GALNT14: variants seen among roughly 807,000 people sequenced by gnomAD.
GALNT14 encodes the protein polypeptide N-acetylgalactosaminyltransferase 14.
A neutral mutation model predicts 77.5 loss-of-function variants in GALNT14; 60 were observed. The ratio of observed to expected loss-of-function variants is 0.77; its 90% CI spans 0.63 to 0.96. The LOEUF is 0.96. Among genes scored for constraint, GALNT14 ranks in the 40% least tolerant of loss-of-function variants. The pLI is 0.00. For synonymous variants in GALNT14, 280 were observed against 281.7 expected, an observed-to-expected ratio of 0.99 and a Z score of 0.06; for missense variants, 710 against 731.0, an observed-to-expected ratio of 0.97 and a Z score of 0.33.
chr2:30,925,841 G>C (rs906464275), intron 11 of GALNT14, among the ~76,000 whole-genome samples: 1 of 152,182 alleles, frequency 6.6e-6, no homozygotes, highest in Admixed American at 6.5e-5. Flanking sequence ...GTCCACAAAT[G>C]GGTCTGATGG....
At chr2:30,960,074 T>C (rs1229940656) in intron 3 of GALNT14, among the ~76,000 whole-genome samples, 2 of 152,182 alleles carry the variant, frequency 1.3e-5, no homozygotes, top group Non-Finnish European at 1.5e-5. Flanking sequence ...ATTCTCACCA[T>C]GGCAACTAGT....
chr2:30,983,686 G>C lies in GALNT14; in HGVS notation c.299+9152C>G, dbSNP rs76684881. On this transcript the variant is annotated intron_variant, in intron 2 of 14. Coordinates refer to ENST00000349752, the MANE Select transcript of GALNT14 (RefSeq NM_024572.4). ...GAAATGTAGTATTTTAGTACCTCTG[G>C]GCAAAGCTAAAATATAATAATCAAA... Among the ~76,000 whole-genome samples the C allele has an allele frequency of 5.2e-3, 797 of 151,994 alleles. 16 individuals are homozygous for C. The highest frequency in any genetic ancestry group is 0.044 in the South Asian group (212 of 4,802).
At chr2:31,076,548 TG>T (rs1307336333) in intron 1 of GALNT14, among the ~76,000 whole-genome samples, 1 of 151,560 alleles carries the variant, frequency 6.6e-6, no homozygotes, top group East Asian at 1.9e-4. Flanking sequence ...AACATTTCCA[TG>T]GGGTAAGTCC....
At chr2:30,995,979 A>C (rs1276779324) in intron 1 of GALNT14, among the ~76,000 whole-genome samples, 1 of 152,234 alleles carries the variant, frequency 6.6e-6, no homozygotes, top group Non-Finnish European at 1.5e-5. Context: ...GCCATGTCGC[A>C]GCTCAAAGAC....
chr2:31,065,701 A>G lies in GALNT14; in HGVS notation c.129+72257T>C, dbSNP rs542905585. 2.6e-5 allele frequency among the ~76,000 whole-genome samples: 4 copies of G among 152,278 alleles called. No homozygotes were observed. The South Asian group carries it at 6.2e-4, about 24-fold the overall frequency. ...GAAAAAGTTATGTGTGACTTGAAGCACTATGGAAGGCATCACATTCAAATC... is the reference window on the plus strand; with the variant it reads ...GAAAAAGTTATGTGTGACTTGAAGCGCTATGGAAGGCATCACATTCAAATC... On this transcript the variant is annotated intron_variant, in intron 1 of 14. Coordinates refer to ENST00000349752, the MANE Select transcript of GALNT14 (RefSeq NM_024572.4).
At chr2:31,102,235 C>A (rs1198070577) in intron 1 of GALNT14, among the ~76,000 whole-genome samples, 1 of 151,932 alleles carries the variant, frequency 6.6e-6, no homozygotes, top group Non-Finnish European at 1.5e-5. Flanking sequence ...GATATAGCTT[C>A]TTGACTTAGA....
chr2:30,894,447 C>CT, the GALNT14 span, among the ~76,000 whole-genome samples: 4,309 of 152,248 alleles, frequency 0.028, 216 homozygotes, highest in African/African-American at 0.097. Flanking sequence ...TATTCTAGAC[C>CT]TTTTTTTCAT....
chr2:31,013,288 T>A (rs1433906718), intron 1 of GALNT14, among the ~76,000 whole-genome samples: 1 of 152,110 alleles, frequency 6.6e-6, no homozygotes, highest in African/African-American at 2.4e-5. Flanking sequence ...CCTCCTGAGA[T>A]GAATAAAGAT....
intron 1 of GALNT14, among the ~76,000 whole-genome samples, chr2:31,113,322 G>A (rs570922761): frequency 1.3e-5 from 2 of 152,274 alleles, no homozygotes; most frequent in Admixed American, 6.5e-5. Context: ...CGGGCTGGGT[G>A]GAGAAGGTCA....
chr2:31,031,978 C>T (rs774450706), intron 1 of GALNT14, among the ~76,000 whole-genome samples: 10 of 152,202 alleles, frequency 6.6e-5, no homozygotes, highest in South Asian at 2.1e-4. Context: ...GAACTTCTCG[C>T]GGCTGCCACA....
chr2:30,963,807 C>T (rs564371840), intron 3 of GALNT14, among the ~76,000 whole-genome samples: 146 of 152,316 alleles, frequency 9.6e-4, no homozygotes, highest in African/African-American at 3.4e-3. Flanking sequence ...CCATAGCCTC[C>T]TTTCTTTGAT....
chr2:31,076,704 T>C (rs1675820257), intron 1 of GALNT14, among the ~76,000 whole-genome samples: 1 of 151,400 alleles, frequency 6.6e-6, no homozygotes, highest in Non-Finnish European at 1.5e-5. Flanking sequence ...AATTGGAAAC[T>C]ATGAATAATG....
intron 1 of GALNT14, among the ~76,000 whole-genome samples, chr2:31,013,393 T>C (rs1671156780): frequency 6.6e-6 from 1 of 152,156 alleles, no homozygotes; most frequent in Non-Finnish European, 1.5e-5. Flanking sequence ...GTATCGAACT[T>C]CCAAATGCAA....
At chr2:30,927,003 T>C (rs1476026506) in intron 11 of GALNT14, among the ~76,000 whole-genome samples, 1 of 152,196 alleles carries the variant, frequency 6.6e-6, no homozygotes, top group African/African-American at 2.4e-5. Context: ...CTCCCCTTCC[T>C]ATTTTTTTTT....
At chr2:31,051,484 G>T (rs1252443687) in intron 1 of GALNT14, among the ~76,000 whole-genome samples, 1 of 152,146 alleles carries the variant, frequency 6.6e-6, no homozygotes, top group Non-Finnish European at 1.5e-5. Context: ...ATTCCAGCTT[G>T]CCAGGCCTGC....
At chr2:31,129,427 C>T in intron 1 of GALNT14, 2 of 985,422 alleles carry the variant, frequency 2.0e-6, no homozygotes, top group Middle Eastern at 5.2e-4. Flanking sequence ...TTTCAGCTAG[C>T]TCCTCTTCTG....
chr2:30,908,897 T>C (rs1430196104), downstream of GALNT14, among the ~76,000 whole-genome samples: 2 of 149,704 alleles, frequency 1.3e-5, no homozygotes, highest in African/African-American at 4.9e-5. Flanking sequence ...CCCTCAGAAA[T>C]AACGCCGCAT....
chr2:31,022,575 A>G (rs1671788160), intron 1 of GALNT14, among the ~76,000 whole-genome samples: 1 of 152,158 alleles, frequency 6.6e-6, no homozygotes. Context: ...CCCACTTAGC[A>G]CATGTGTATG....
At chr2:30,895,308 TG>T in the GALNT14 span, among the ~76,000 whole-genome samples, 1 of 150,706 alleles carries the variant, frequency 6.6e-6, no homozygotes, top group Non-Finnish European at 1.5e-5. Context: ...ATGCAGGTAA[TG>T]GAGTAAGTGT....
Sources: gnomAD v4.1 joint callset for allele counts (sites outside exome capture counted in the v4.1 genomes callset) on GRCh38, gnomAD v4.1.1 for gene constraint, MANE v1.5 for transcripts, NCBI Gene and HGNC (gene_info 2026-07-23, HGNC 2026-07-21) for gene names.